FANCI: variants seen among roughly 807,000 people sequenced by gnomAD.
FANCI encodes FA complementation group I, also known as Fanconi anemia group I protein.
In FANCI, 156 loss-of-function variants were observed where a neutral mutation model predicts 176.1. The observed-to-expected ratio is 0.89, with a 90% CI of 0.78 to 1.01. FANCI has a LOEUF of 1.01. FANCI is among the 50% of genes least tolerant of loss of function. The pLI, the probability that FANCI is intolerant of heterozygous loss-of-function variation, is 0.00. For missense variants in FANCI, 1,678 were observed against 1,534.1 expected, an observed-to-expected ratio of 1.09 and a Z score of -1.57; for synonymous variants, 613 against 541.7, an observed-to-expected ratio of 1.13 and a Z score of -1.83.
rs183235896 is a variant in FANCI, at chr15:89,300,401, A to C, written c.2889+16A>C. 2 of 1,610,454 alleles carry C rather than the reference A, an allele frequency of 1.2e-6. No homozygotes were observed. The highest frequency in any genetic ancestry group is 2.7e-5 in the African/African-American group (2 of 74,954). The stretch of plus-strand genomic sequence containing the variant: ...GCAATTTCAGGTGAGAAGCCTTGCA[A>C]AGCTGCTGTACTGGCCTGAGAGGCT... On this transcript the variant is annotated intron_variant, in intron 26 of 37. Coordinates refer to ENST00000310775, the MANE Select transcript of FANCI (RefSeq NM_001113378.2).
At position 89,276,729 on chromosome 15, in the gene FANCI, T is replaced by C. The variant is rs897618982; in HGVS notation, c.1131T>C (p.His377=). ...VVKNSVHSWD[H]VTQGLVELGF... is the part of the protein sequence containing the mutation. ...CTTGTAGCGTTCATAGCTGGGACCA[T>C]GTTACTCAGGGCCTCGTAGAACTTG... The change falls in exon 13 of 38, where the codon CAT becomes CAC. Residue 377 remains histidine, a synonymous_variant. Transcript: ENST00000310775. The C allele has an allele frequency of 1.2e-6, 2 of 1,614,060 alleles. No homozygotes were observed. Among genetic ancestry groups the C allele is most frequent in the African/African-American group, 1.3e-5 (1 of 74,934 alleles).
intron 2 of FANCI, 50 bp downstream of exon 2, chr15:89,247,781 A>G: frequency 6.6e-7 from 1 of 1,516,524 alleles, no homozygotes; most frequent in Non-Finnish European, 9.2e-7. Context: ...AGGCATGATG[A>G]CACATTCAAA....
chr15:89,277,345 G>C (rs1248377514), intron 13 of FANCI, among the ~76,000 whole-genome samples: 1 of 152,098 alleles, frequency 6.6e-6, no homozygotes, highest in Non-Finnish European at 1.5e-5. Context: ...GTCGGGCATG[G>C]TGGCTCAAGC....
In FANCI at chr15:89,247,614, G is replaced by A; in HGVS notation, c.-19-15G>A. On this transcript the variant is annotated splice_polypyrimidine_tract_variant and intron_variant, in intron 1 of 37. Transcript: ENST00000310775. ...TCTGGAATCTTCACCCACCTCTGAC[G>A]TTTTTCCCTTGTAGTTCTGTGATAT... is the stretch of plus-strand genomic sequence containing the variant. 1 of 1,584,548 alleles carries A rather than the reference G, an allele frequency of 6.3e-7. No individual in the cohort carries two copies. The highest frequency in any genetic ancestry group is 8.7e-7 in the Non-Finnish European group (1 of 1,153,196).
intron 24 of FANCI, among the ~76,000 whole-genome samples, chr15:89,295,374 A>G (rs1256007578): frequency 1.3e-5 from 2 of 151,512 alleles, no homozygotes; most frequent in Non-Finnish European, 2.9e-5. Context: ...AAGAAAAAAA[A>G]AAAAAAAAAA....
At position 89,306,020 on chromosome 15, in the gene FANCI, T is replaced by C. The variant is rs2054704437; in HGVS notation, c.3363T>C (p.Ser1121=). The C allele has an allele frequency of 6.2e-7, 1 of 1,614,212 alleles. No individual in the cohort carries two copies. The highest frequency in any genetic ancestry group is 2.2e-5 in the East Asian group (1 of 44,880). Residue 1121 remains serine (S), a synonymous_variant, in exon 32 of 38, where the codon TCT becomes TCC. Transcript: ENST00000310775. ...ATTTCCCTTTAGAAGAGGCCTCTTC[T>C]CAGGCAACCCTACCAAATCAGCCTG... ...SQETLSEEAS[S]QATLPNQPVE... is the part of the protein sequence containing the mutation.
At chr15:89,281,118 T>A in intron 14 of FANCI, 52 bp from the exon 15 acceptor site, 1 of 1,586,578 alleles carries the variant, frequency 6.3e-7, no homozygotes. Flanking sequence ...TTTCTTTTAT[T>A]TCAGTTATCT....
chr15:89,268,297 C>A (rs1484450166), intron 9 of FANCI, 102 bp from the exon 10 acceptor site: 1 of 1,263,800 alleles, frequency 7.9e-7, no homozygotes, highest in South Asian at 1.2e-5. Context: ...TCTTGAACTC[C>A]TGGGATCAAG....
chr15:89,288,233 C>T (rs2053901711), intron 18 of FANCI, among the ~76,000 whole-genome samples: 1 of 152,108 alleles, frequency 6.6e-6, no homozygotes, highest in African/African-American at 2.4e-5. Flanking sequence ...AACTGTTTAC[C>T]AGCTAAATTC....
Position 89,278,739 on chromosome 15 carries a change from T to C in FANCI, c.1346T>C (p.Val449Ala). 6.2e-7 allele frequency: 1 copy of C among 1,613,954 alleles called. No homozygotes were observed. The highest frequency in any genetic ancestry group is 8.5e-7 in the Non-Finnish European group (1 of 1,179,862). ...EILEQVLNRV[V>A]TRASSPISHF... is the part of the protein sequence containing the mutation. The stretch of plus-strand genomic sequence containing the variant: ...TTGGAGCAGGTCCTCAACAGGGTTG[T>C]TACCAGAGCATCTTCTCCCATCAGT... The change falls in exon 14 of 38, where the codon GTT becomes GCT. Residue 449 changes from valine (V) to alanine (A), a missense_variant. Transcript: ENST00000310775.
rs1309877578 is a variant in FANCI, at chr15:89,312,988, T to C, written c.3720+16T>C. 2.5e-6 allele frequency: 4 copies of C among 1,613,128 alleles called. No individual in the cohort carries two copies. Among genetic ancestry groups the C allele is most frequent in the South Asian group, 1.1e-5 (1 of 91,076 alleles). On this transcript the variant is annotated intron_variant, in intron 35 of 37. Coordinates refer to ENST00000310775, the MANE Select transcript of FANCI (RefSeq NM_001113378.2). The stretch of plus-strand genomic sequence containing the variant: ...CACAGCCATGGTAAGCTGCTGACAC[T>C]GACCGTTAAAATATGCTTGTTGGTG...
intron 17 of FANCI, 74 bp from the exon 18 acceptor site, chr15:89,285,022 A>T: frequency 1.2e-6 from 2 of 1,605,728 alleles, no homozygotes; most frequent in East Asian, 4.5e-5. Context: ...TCGACCAAGA[A>T]CATAGGCTCA....
intron 34 of FANCI, among the ~76,000 whole-genome samples, chr15:89,312,277 C>G (rs1481544812): frequency 5.9e-5 from 9 of 152,172 alleles, no homozygotes; most frequent in Admixed American, 5.9e-4. Flanking sequence ...TTGACAGTCC[C>G]CATTTTAACC....
rs139561115 is a variant in FANCI, at chr15:89,296,603, T to C, written c.2636+1509T>C. Among the ~76,000 whole-genome samples the C allele has an allele frequency of 4.6e-3, 699 of 152,216 alleles. 10 individuals are homozygous for C. The highest frequency in any genetic ancestry group is 0.016 in the African/African-American group (666 of 41,536). ...TCTCCCATGTCTACTTCTTTCTACA[T>C]AGACATGGCAACCATCCGATTTCTC... On this transcript the variant is annotated intron_variant, in intron 24 of 37. Coordinates refer to ENST00000310775, the MANE Select transcript of FANCI (RefSeq NM_001113378.2).
chr15:89,303,494 C>A (rs1400052167), intron 27 of FANCI, among the ~76,000 whole-genome samples: 1 of 152,134 alleles, frequency 6.6e-6, no homozygotes, highest in Admixed American at 6.5e-5. Flanking sequence ...TAGGTTTTCT[C>A]TTTCCCACAC....
intron 34 of FANCI, chr15:89,308,141 A>C: frequency 9.2e-7 from 1 of 1,082,888 alleles, no homozygotes; most frequent in East Asian, 7.2e-5. Context: ...CAGTACTTGA[A>C]TCTCCTTTAC....
At chr15:89,277,003 G>A in intron 13 of FANCI, 112 bp downstream of exon 13, 1 of 1,041,430 alleles carries the variant, frequency 9.6e-7, no homozygotes, top group Non-Finnish European at 1.5e-6. Flanking sequence ...GTATTAGTTT[G>A]ACAGAGGATA....
intron 2 of FANCI, among the ~76,000 whole-genome samples, chr15:89,253,385 A>T (rs2052346011): frequency 6.6e-6 from 1 of 152,160 alleles, no homozygotes. Flanking sequence ...ACAGGGGCTT[A>T]TCCCTGTAAT....
chr15:89,301,526 C>T (rs1158523539), intron 27 of FANCI, 84 bp downstream of exon 27: 5 of 955,660 alleles, frequency 5.2e-6, no homozygotes, highest in Non-Finnish European at 5.2e-6. Flanking sequence ...ATCTAAATGT[C>T]CTCTTGAAAT....
Sources: gnomAD v4.1 joint callset for allele counts (sites outside exome capture counted in the v4.1 genomes callset) on GRCh38, gnomAD v4.1.1 for gene constraint, MANE v1.5 for transcripts, NCBI Gene and HGNC (gene_info 2026-07-23, HGNC 2026-07-21) for gene names.